FAM135B: variants seen among roughly 807,000 people sequenced by gnomAD.
FAM135B encodes protein FAM135B.
FAM135B carries 43 observed loss-of-function variants against 127.7 expected under a neutral mutation model. The observed-to-expected ratio is 0.34, with a 90% CI of 0.26 to 0.43. FAM135B has a LOEUF of 0.43. Ranked by LOEUF, FAM135B falls within the 20% of genes least tolerant of loss-of-function variation. FAM135B has a pLI of 1.00. For synonymous variants in FAM135B, 670 were observed against 665.1 expected, an observed-to-expected ratio of 1.01 and a Z score of -0.11; for missense variants, 1,558 against 1,725.6, an observed-to-expected ratio of 0.90 and a Z score of 1.72.
intron 2 of FAM135B, among the ~76,000 whole-genome samples, chr8:138,312,889 T>C (rs1008343848): frequency 5.9e-5 from 9 of 152,196 alleles, no homozygotes; most frequent in African/African-American, 1.9e-4. Context: ...AATGAGGGCA[T>C]ACATATGCCC....
chr8:138,497,366 G>C (rs1284994949), upstream of FAM135B, among the ~76,000 whole-genome samples: 2 of 150,742 alleles, frequency 1.3e-5, no homozygotes, highest in Non-Finnish European at 3.0e-5. Flanking sequence ...CGCCCGCTCG[G>C]CCGCCCGGGT....
At chr8:138,448,674 C>T (rs1836327064) in intron 1 of FAM135B, among the ~76,000 whole-genome samples, 2 of 151,942 alleles carry the variant, frequency 1.3e-5, no homozygotes, top group Non-Finnish European at 2.9e-5. Context: ...TCACATGAGC[C>T]AATCCCTGAT....
intron 1 of FAM135B, among the ~76,000 whole-genome samples, chr8:138,447,448 A>G (rs1197872947): frequency 6.6e-6 from 1 of 152,232 alleles, no homozygotes; most frequent in African/African-American, 2.4e-5. Flanking sequence ...AATGTGGCAC[A>G]TATACACCAT....
intron 3 of FAM135B, among the ~76,000 whole-genome samples, chr8:138,294,940 C>T (rs963777291): frequency 5.3e-5 from 8 of 152,106 alleles, no homozygotes; most frequent in African/African-American, 1.7e-4. Context: ...CTGTATTTCC[C>T]ATATAAGTCT....
intron 4 of FAM135B, among the ~76,000 whole-genome samples, chr8:138,258,961 T>C (rs538242179): frequency 6.6e-6 from 1 of 152,280 alleles, no homozygotes; most frequent in East Asian, 1.9e-4. Flanking sequence ...TATAAGAAGC[T>C]AGCATTTACA....
intron 17 of FAM135B, 129 bp from the exon 18 acceptor site, chr8:138,139,225 T>C: frequency 1.7e-6 from 1 of 593,268 alleles, no homozygotes; most frequent in Non-Finnish European, 3.0e-6. Flanking sequence ...GAAGTAGGCA[T>C]ACTAGCAAAT....
chr8:138,219,645 C>T (rs529014875), intron 7 of FAM135B, among the ~76,000 whole-genome samples: 1 of 152,300 alleles, frequency 6.6e-6, no homozygotes, highest in East Asian at 1.9e-4. Context: ...CAGGGTCATC[C>T]TTGTATGTTC....
intron 2 of FAM135B, among the ~76,000 whole-genome samples, chr8:138,356,221 T>C (rs1830079829): frequency 6.6e-6 from 1 of 151,424 alleles, no homozygotes; most frequent in Non-Finnish European, 1.5e-5. Context: ...ACAAAAGGAC[T>C]AAAATGGTGT....
chr8:138,492,322 TC>T (rs1380185874), intron 1 of FAM135B, among the ~76,000 whole-genome samples: 1 of 152,154 alleles, frequency 6.6e-6, no homozygotes, highest in Non-Finnish European at 1.5e-5. Flanking sequence ...TCTGTTCATT[TC>T]TCTGATACCT....
At chr8:138,218,864 C>T (rs576399163) in intron 7 of FAM135B, among the ~76,000 whole-genome samples, 16 of 151,928 alleles carry the variant, frequency 1.1e-4, no homozygotes, top group Admixed American at 2.0e-4. Context: ...GACAAGGCAA[C>T]GCAGCCAGGA....
chr8:138,359,540 T>G (rs762258210), intron 2 of FAM135B, among the ~76,000 whole-genome samples: 1 of 152,200 alleles, frequency 6.6e-6, no homozygotes, highest in Non-Finnish European at 1.5e-5. Context: ...TAACAGTTGT[T>G]TCTTAGTCAA....
intron 8 of FAM135B, among the ~76,000 whole-genome samples, chr8:138,197,077 G>C (rs1051502192): frequency 6.1e-4 from 23 of 37,868 alleles, no homozygotes; most frequent in African/African-American, 2.4e-3. Context: ...GTATGCATAT[G>C]TGTGTGTGTG....
At chr8:138,412,358 G>A (rs1377543363) in intron 1 of FAM135B, among the ~76,000 whole-genome samples, 3 of 152,188 alleles carry the variant, frequency 2.0e-5, no homozygotes, top group Admixed American at 6.5e-5. Context: ...CCAGATTCCT[G>A]ATCACAGACA....
At chr8:138,345,399 T>A (rs1469452950) in intron 2 of FAM135B, among the ~76,000 whole-genome samples, 1 of 152,126 alleles carries the variant, frequency 6.6e-6, no homozygotes, top group Non-Finnish European at 1.5e-5. Flanking sequence ...ACACTGCAGA[T>A]GGAAAGAGTG....
At chr8:138,444,433 G>T (rs1357243892) in intron 1 of FAM135B, among the ~76,000 whole-genome samples, 1 of 152,138 alleles carries the variant, frequency 6.6e-6, no homozygotes, top group Non-Finnish European at 1.5e-5. Context: ...TGAAAGAACA[G>T]AAATTATCAC....
chr8:138,150,673 TAAATAAATAAATA>T (rs1245639637), intron 13 of FAM135B, among the ~76,000 whole-genome samples: 3 of 14,472 alleles, frequency 2.1e-4, no homozygotes, highest in Admixed American at 7.9e-4. Context: ...TCTCAATAAA[TAAATAAATAAATA>T]AATAAATAAA....
chr8:138,262,177 G>C (rs188979672), intron 4 of FAM135B, among the ~76,000 whole-genome samples: 3 of 152,122 alleles, frequency 2.0e-5, no homozygotes, highest in Non-Finnish European at 4.4e-5. Flanking sequence ...AACCTCACAC[G>C]ACCTAAGGTT....
intron 1 of FAM135B, among the ~76,000 whole-genome samples, chr8:138,462,791 G>A (rs377710573): frequency 1.3e-5 from 2 of 152,186 alleles, no homozygotes; most frequent in Non-Finnish European, 2.9e-5. Context: ...AGGTCAAGAC[G>A]TGGAAATGAG....
chr8:138,303,522 G>A (rs1395359819), intron 3 of FAM135B, among the ~76,000 whole-genome samples: 2 of 152,010 alleles, frequency 1.3e-5, no homozygotes, highest in East Asian at 1.9e-4. Context: ...TGGTAGGTGC[G>A]GCAAACCACC....
Sources: allele counts gnomAD v4.1 joint callset (sites outside exome capture counted in the v4.1 genomes callset), GRCh38; gene constraint gnomAD v4.1.1; transcripts MANE v1.5; gene names NCBI Gene and HGNC (gene_info 2026-07-23, HGNC 2026-07-21).